PPAT: variants seen among roughly 807,000 people sequenced by gnomAD.
The protein encoded by PPAT is phosphoribosyl pyrophosphate amidotransferase.
A neutral mutation model predicts 60.2 loss-of-function variants in PPAT; 20 were observed. That is an observed-to-expected ratio of 0.33 (90% CI 0.23 to 0.48). The LOEUF is 0.48. PPAT is among the 20% of genes least tolerant of loss of function. PPAT has a pLI of 0.99. For synonymous variants in PPAT, 194 were observed against 215.1 expected (o/e 0.90, Z 0.86); for missense variants, 349 against 629.6 (o/e 0.55, Z 4.77).
chr4:56,403,252 T>A, intron 4 of PPAT, 37 bp downstream of exon 4: 4 of 1,598,246 alleles, frequency 2.5e-6, no homozygotes, highest in Non-Finnish European at 3.4e-6. Context: ...AAACTCTCCT[T>A]ACTAGAGCTC....
At chr4:56,417,134 C>G (rs548166394) in intron 1 of PPAT, among the ~76,000 whole-genome samples, 5 of 152,184 alleles carry the variant, frequency 3.3e-5, no homozygotes, top group Non-Finnish European at 7.3e-5. Context: ...CAGGCGTGAG[C>G]CACTGCACCC....
chr4:56,416,019 G>A (rs544399314), intron 1 of PPAT, among the ~76,000 whole-genome samples: 1 of 151,014 alleles, frequency 6.6e-6, no homozygotes, highest in African/African-American at 2.4e-5. Context: ...GCAGTGAGCC[G>A]AGATCACACC....
At chr4:56,403,480 A>AAAAT (rs1553937400) in intron 3 of PPAT, 79 bp from the exon 4 acceptor site, 16 of 1,015,820 alleles carry the variant, frequency 1.6e-5, no homozygotes, top group Admixed American at 4.5e-5. Context: ...AACCATAATG[A>AAAAT]AAATAAGGCA....
At chr4:56,413,151 GT>G (rs1396909027) in intron 1 of PPAT, among the ~76,000 whole-genome samples, 10 of 67,278 alleles carry the variant, frequency 1.5e-4, no homozygotes, top group African/African-American at 4.3e-4. Context: ...CTTGTTTTTG[GT>G]TTTTGGTTTT....
chr4:56,399,530 A>G, intron 8 of PPAT, 130 bp from the exon 9 acceptor site: 1 of 752,724 alleles, frequency 1.3e-6, no homozygotes. Context: ...ATTTGGAAAA[A>G]AGGCAAAAAG....
intron 6 of PPAT, among the ~76,000 whole-genome samples, chr4:56,401,811 T>C (rs901331600): frequency 6.6e-6 from 1 of 152,104 alleles, no homozygotes; most frequent in Non-Finnish European, 1.5e-5. Flanking sequence ...AGTTCTTCCT[T>C]TCTAAAATAA....
intron 1 of PPAT, among the ~76,000 whole-genome samples, chr4:56,429,618 C>A (rs2110067554): frequency 6.6e-6 from 1 of 152,298 alleles, no homozygotes; most frequent in Non-Finnish European, 1.5e-5. Context: ...CTCTCTGGAT[C>A]TCTAAAATAA....
chr4:56,434,373 T>A (rs1164867501), intron 1 of PPAT, among the ~76,000 whole-genome samples: 8 of 152,246 alleles, frequency 5.3e-5, no homozygotes, highest in Non-Finnish European at 1.0e-4. Flanking sequence ...GTTCCTTAAC[T>A]GTAGTGTAAG....
At position 56,393,747 on chromosome 4, in the gene PPAT, A is replaced by G. The variant is rs1715886021; in HGVS notation, c.*1605T>C. 6.6e-6 allele frequency: 1 copy of G among 152,664 alleles called. No individual in the cohort carries two copies. Among genetic ancestry groups the G allele is most frequent in the Non-Finnish European group, 1.5e-5 (1 of 68,050 alleles). The allele number at this position is 152,664 out of a possible 1,614,324, so 9.5% of individuals were successfully genotyped here. A position where few individuals can be genotyped will look rare whatever the true frequency, so the allele number is the denominator to read the frequency against. ...CTTTCCCTGAGTCTCTTGTTTTAAA[A>G]ATCAAAGTAAGGCCAGTTCAAAATT... is the stretch of plus-strand genomic sequence containing the variant. On this transcript the variant is annotated 3_prime_UTR_variant, in exon 11 of 11. Coordinates refer to ENST00000264220, the MANE Select transcript of PPAT (RefSeq NM_002703.5).
intron 1 of PPAT, among the ~76,000 whole-genome samples, chr4:56,427,402 T>C (rs1413663949): frequency 1.3e-5 from 2 of 152,228 alleles, no homozygotes; most frequent in African/African-American, 4.8e-5. Flanking sequence ...TGGCATATGC[T>C]GAAAGTTTCT....
In PPAT at chr4:56,396,508, T is replaced by C. The variant is rs1191905032; in HGVS notation, c.1357+111A>G. 1.1e-5 allele frequency: 12 copies of C among 1,086,912 alleles called. No homozygotes were observed. Among genetic ancestry groups the C allele is most frequent in the Non-Finnish European group, 1.3e-5 (10 of 766,730 alleles). The allele number at this position is 1,086,912 out of a possible 1,614,324, so 67.3% of individuals were successfully genotyped here. A position where few individuals can be genotyped will look rare whatever the true frequency, so the allele number is the denominator to read the frequency against. On this transcript the variant is annotated intron_variant, in intron 10 of 10. Transcript: ENST00000264220. The surrounding 1 kb of genome is among the most constrained non-coding windows in gnomAD (Gnocchi z 4.6). ...GTATTCAATATCTGTTTAACATATA[T>C]AACTACTTTTAACAAACACTGAATA...
intron 1 of PPAT, chr4:56,419,526 A>ACT (rs1456886765): frequency 2.4e-5 from 7 of 289,452 alleles, no homozygotes; most frequent in African/African-American, 1.6e-4. Flanking sequence ...TATGGAGGAA[A>ACT]CTGCTTTCTT....
At chr4:56,429,437 A>C (rs1178825713) in intron 1 of PPAT, among the ~76,000 whole-genome samples, 2 of 152,202 alleles carry the variant, frequency 1.3e-5, no homozygotes, top group Non-Finnish European at 2.9e-5. Context: ...TCAGAAGCCA[A>C]CCTAATAATG....
chr4:56,407,665 T>A lies in PPAT; in HGVS notation c.180A>T (p.Thr60=). ...IVTSDGSSVP[T]FKSHKGMGLV... ...TCAAATTTACCTTGTGTGATTTGAATGTTGGCACCGAACTCCCATCACTAG... is the reference window on the plus strand; with the variant it reads ...TCAAATTTACCTTGTGTGATTTGAAAGTTGGCACCGAACTCCCATCACTAG... The change falls in exon 2 of 11, where the codon ACA becomes ACT. Residue 60 remains threonine, a synonymous_variant. Transcript: ENST00000264220. 1 of 1,604,120 alleles carries A rather than the reference T, an allele frequency of 6.2e-7. No homozygotes were observed. The highest frequency in any genetic ancestry group is 8.5e-7 in the Non-Finnish European group (1 of 1,170,686).
At chr4:56,426,015 C>T (rs1298984155) in intron 1 of PPAT, among the ~76,000 whole-genome samples, 1 of 152,154 alleles carries the variant, frequency 6.6e-6, no homozygotes, top group Non-Finnish European at 1.5e-5. Context: ...CAAATTCACC[C>T]AACTAAAGCG....
chr4:56,429,271 G>C (rs771621266), intron 1 of PPAT, among the ~76,000 whole-genome samples: 3 of 152,106 alleles, frequency 2.0e-5, no homozygotes, highest in Non-Finnish European at 4.4e-5. Flanking sequence ...AAACTTGCCC[G>C]GAGTTAGGTA....
At chr4:56,428,349 G>C (rs1717405823) in intron 1 of PPAT, among the ~76,000 whole-genome samples, 1 of 152,106 alleles carries the variant, frequency 6.6e-6, no homozygotes, top group Non-Finnish European at 1.5e-5. Flanking sequence ...CATTGATATG[G>C]TCTGATGAAA....
chr4:56,416,939 T>G (rs1415516397), intron 1 of PPAT, among the ~76,000 whole-genome samples: 1 of 152,170 alleles, frequency 6.6e-6, no homozygotes, highest in East Asian at 1.9e-4. Context: ...AACCTCTGCC[T>G]CCGGGGTTCA....
At chr4:56,406,739 A>T (rs1326658728) in intron 2 of PPAT, 38 bp from the exon 3 acceptor site, 2 of 1,453,896 alleles carry the variant, frequency 1.4e-6, no homozygotes, top group Non-Finnish European at 1.9e-6. Context: ...AAAAAAACAG[A>T]CTAGTACTGC....
Sources: gnomAD v4.1 joint callset for allele counts (sites outside exome capture counted in the v4.1 genomes callset) on GRCh38, gnomAD v4.1.1 for gene constraint, Gnocchi (gnomAD v3.1) non-coding constraint, MANE v1.5 for transcripts, NCBI Gene and HGNC (gene_info 2026-07-23, HGNC 2026-07-21) for gene names.